KLRG1: variants seen among roughly 807,000 people sequenced by gnomAD.
The protein encoded by KLRG1 is killer cell lectin-like receptor subfamily G member 1.
In KLRG1, 16 loss-of-function variants were observed where a neutral mutation model predicts 21.8. The ratio of observed to expected loss-of-function variants is 0.73; its 90% CI spans 0.50 to 1.11. The LOEUF (loss-of-function observed/expected upper bound fraction) is 1.11. Ranked by LOEUF, KLRG1 falls within the 50% of genes most tolerant of loss-of-function variation. The pLI, the probability that KLRG1 is intolerant of heterozygous loss-of-function variation, is 0.00. For missense variants in KLRG1, 173 were observed against 218.3 expected (o/e 0.79, Z 1.31); for synonymous variants, 69 against 75.9 (o/e 0.91, Z 0.47).
chr12:9,035,841 G>T, the KLRG1 span, among the ~76,000 whole-genome samples: 1 of 152,290 alleles, frequency 6.6e-6, no homozygotes, highest in African/African-American at 2.4e-5. Flanking sequence ...CATATTCTTT[G>T]CAGCAACATG....
the KLRG1 span, chr12:9,168,898 G>C: frequency 1.9e-5 from 30 of 1,613,920 alleles, no homozygotes; most frequent in African/African-American, 2.5e-4. Flanking sequence ...TACTGCTCCT[G>C]CAGACACGGA....
the KLRG1 span, among the ~76,000 whole-genome samples, chr12:9,034,446 C>CT: frequency 1.3e-4 from 20 of 148,228 alleles, no homozygotes; most frequent in South Asian, 2.1e-4. Flanking sequence ...ATATACCATA[C>CT]TTTTTTTTTT....
chr12:9,095,041 G>A, the KLRG1 span: 2 of 1,596,378 alleles, frequency 1.3e-6, no homozygotes, highest in Non-Finnish European at 1.7e-6. Flanking sequence ...ACACATTTTG[G>A]GTTTACGAAT....
the KLRG1 span, among the ~76,000 whole-genome samples, chr12:9,140,277 G>A: frequency 6.6e-6 from 1 of 152,210 alleles, no homozygotes; most frequent in Non-Finnish European, 1.5e-5. Context: ...GGGGGGCCCA[G>A]GAATGGGATG....
the KLRG1 span, chr12:9,200,232 TTAAA>T: frequency 4.7e-5 from 25 of 531,536 alleles, no homozygotes; most frequent in Non-Finnish European, 7.8e-5. Context: ...TAGTAAGTCG[TTAAA>T]TAAAGAGAAG....
the KLRG1 span, among the ~76,000 whole-genome samples, chr12:9,086,619 T>C: frequency 6.6e-6 from 1 of 152,178 alleles, no homozygotes; most frequent in Non-Finnish European, 1.5e-5. Flanking sequence ...CTCACCAAAT[T>C]AGATATACAA....
chr12:9,200,467 G>GGAAT, the KLRG1 span: 1 of 1,546,472 alleles, frequency 6.5e-7, no homozygotes, highest in South Asian at 1.2e-5. Context: ...AGAGATAATA[G>GGAAT]GAATAAGGAA....
At chr12:9,101,323 T>C in the KLRG1 span, 2 of 1,357,660 alleles carry the variant, frequency 1.5e-6, no homozygotes, top group South Asian at 1.3e-5. Context: ...TCAAGAGAAA[T>C]CAAACTTTCA....
chr12:9,198,267 A>T, the KLRG1 span, among the ~76,000 whole-genome samples: 15 of 151,928 alleles, frequency 9.9e-5, no homozygotes, highest in African/African-American at 3.4e-4. Context: ...CAGGAGATTC[A>T]CATAAGCCCA....
chr12:9,123,361 A>T, the KLRG1 span, among the ~76,000 whole-genome samples: 2 of 152,234 alleles, frequency 1.3e-5, no homozygotes, highest in Admixed American at 6.5e-5. Context: ...CAATATGCCA[A>T]CATCACTACT....
the KLRG1 span, among the ~76,000 whole-genome samples, chr12:9,133,293 A>T: frequency 6.6e-6 from 1 of 152,172 alleles, no homozygotes; most frequent in Non-Finnish European, 1.5e-5. Flanking sequence ...CAAGCTCTTG[A>T]ATTAGGTACT....
At chr12:9,182,206 T>G in the KLRG1 span, 1 of 1,013,064 alleles carries the variant, frequency 9.9e-7, no homozygotes, top group Non-Finnish European at 1.3e-6. Context: ...TTGCTTGGTC[T>G]TATCCACTTG....
chr12:9,109,834 A>G, the KLRG1 span: 3 of 1,559,024 alleles, frequency 1.9e-6, no homozygotes. Flanking sequence ...ATATGAAGAA[A>G]AATAATGCTT....
chr12:9,110,298 G>A, the KLRG1 span: 1 of 1,465,316 alleles, frequency 6.8e-7, no homozygotes, highest in Non-Finnish European at 9.3e-7. Context: ...AATATGGAAT[G>A]TTTCATGTTG....
the KLRG1 span, chr12:9,112,260 T>C: frequency 6.2e-7 from 1 of 1,611,272 alleles, no homozygotes; most frequent in Non-Finnish European, 8.5e-7. Context: ...AGTAGGCCTG[T>C]AGGCTGGTAA....
chr12:9,069,057 A>G, the KLRG1 span: 2 of 432,158 alleles, frequency 4.6e-6, no homozygotes, highest in Non-Finnish European at 8.2e-6. Context: ...ACCTCTGTCA[A>G]TGCCAATACA....
the KLRG1 span, among the ~76,000 whole-genome samples, chr12:9,041,174 A>G: frequency 6.6e-6 from 1 of 152,154 alleles, no homozygotes; most frequent in African/African-American, 2.4e-5. Flanking sequence ...TGTCTCTACT[A>G]AAAATACACA....
chr12:9,199,723 AT>A, the KLRG1 span, among the ~76,000 whole-genome samples: 1 of 152,188 alleles, frequency 6.6e-6, no homozygotes, highest in African/African-American at 2.4e-5. Context: ...GCTTTAAAAT[AT>A]TAGAGCAAAA....
intron 1 of KLRG1, among the ~76,000 whole-genome samples, chr12:8,961,334 A>AT (rs1181405990): frequency 6.6e-6 from 1 of 152,220 alleles, no homozygotes; most frequent in Non-Finnish European, 1.5e-5. Context: ...ACAGTTCTAG[A>AT]TAAAAAACAG....
Sources: gnomAD v4.1 joint callset for allele counts (sites outside exome capture counted in the v4.1 genomes callset) on GRCh38, gnomAD v4.1.1 for gene constraint, MANE v1.5 for transcripts, NCBI Gene and HGNC (gene_info 2026-07-23, HGNC 2026-07-21) for gene names.